The following CCDC57 variants were observed in gnomAD, a reference collection of about 807,000 sequenced individuals.
CCDC57 encodes the protein coiled-coil domain-containing protein 57.
CCDC57 carries 118 observed loss-of-function variants against 118.9 expected under a neutral mutation model. That is an observed-to-expected ratio of 0.99 (90% CI 0.86 to 1.16). The LOEUF is 1.16. Ranked by LOEUF, CCDC57 falls within the 50% of genes most tolerant of loss-of-function variation. The pLI is 0.00. For missense variants in CCDC57, 1,300 were observed against 1,320.7 expected (o/e 0.98, Z 0.24); for synonymous variants, 527 against 532.9 (o/e 0.99, Z 0.15).
At chr17:82,109,683 C>G (rs1243394295) in intron 19 of CCDC57, among the ~76,000 whole-genome samples, 1 of 151,890 alleles carries the variant, frequency 6.6e-6, no homozygotes, top group Non-Finnish European at 1.5e-5. Flanking sequence ...AGGTGAAACT[C>G]CGTCTCTACT....
intron 9 of CCDC57, among the ~76,000 whole-genome samples, chr17:82,180,042 C>T (rs1479232780): frequency 2.6e-5 from 4 of 152,168 alleles, no homozygotes; most frequent in Non-Finnish European, 5.9e-5. Flanking sequence ...TGGCATGGCT[C>T]TGCGTGAGAC....
At chr17:82,105,815 G>A (rs1437055220) in intron 19 of CCDC57, among the ~76,000 whole-genome samples, 1 of 152,214 alleles carries the variant, frequency 6.6e-6, no homozygotes, top group East Asian at 1.9e-4. Context: ...ATGGAGCCTG[G>A]AGCCCCCACT....
intron 9 of CCDC57, among the ~76,000 whole-genome samples, chr17:82,183,304 A>G (rs2046436254): frequency 6.6e-6 from 1 of 152,182 alleles, no homozygotes. Context: ...TAAGAAACAC[A>G]TGAGGACATG....
chr17:82,150,875 G>C (rs1244212047), intron 16 of CCDC57, among the ~76,000 whole-genome samples: 1 of 72,184 alleles, frequency 1.4e-5, no homozygotes. Context: ...AGAACCTGGT[G>C]CACACCCAGA....
intron 14 of CCDC57, among the ~76,000 whole-genome samples, chr17:82,160,927 G>A (rs918649199): frequency 2.7e-5 from 4 of 149,116 alleles, no homozygotes; most frequent in African/African-American, 9.9e-5. Flanking sequence ...ACCACAGAAT[G>A]GGAGAAAAAT....
intron 19 of CCDC57, chr17:82,113,531 A>C: frequency 1.4e-6 from 1 of 717,584 alleles, no homozygotes; most frequent in Non-Finnish European, 2.6e-6. Context: ...CCCGCGCTGC[A>C]TGTTTTTGCA....
chr17:82,107,551 G>T lies in CCDC57; in HGVS notation c.2900-5685C>A, dbSNP rs75729266. 2.3e-3 allele frequency: 1,069 copies of T among 470,974 alleles called. 11 individuals carry two copies. Among genetic ancestry groups the T allele is most frequent in the East Asian group, 4.2e-3 (60 of 14,398 alleles). 29.2% of individuals were successfully genotyped at this position (470,974 alleles called of 1,614,324 possible). On this transcript the variant is annotated intron_variant, in intron 19 of 19. Transcript: ENST00000665763. ...GCCCCCAGGTAGGTGCGTGCTTCTGGACCTGGCGCTCGGCACACTGTGAGG... is the reference window on the plus strand; with the variant it reads ...GCCCCCAGGTAGGTGCGTGCTTCTGTACCTGGCGCTCGGCACACTGTGAGG...
intron 16 of CCDC57, among the ~76,000 whole-genome samples, chr17:82,151,343 G>GACC (rs2042027531): frequency 8.0e-6 from 1 of 124,972 alleles, no homozygotes. Context: ...AGAACCAGGT[G>GACC]CACACCCAGA....
At chr17:82,190,818 A>T (rs2047582359) in intron 7 of CCDC57, among the ~76,000 whole-genome samples, 1 of 151,622 alleles carries the variant, frequency 6.6e-6, no homozygotes, top group Non-Finnish European at 1.5e-5. Flanking sequence ...AATGCCTCTA[A>T]TTCAACCTTT....
chr17:82,184,031 G>GCGCGCGCACGCACACACACACA, intron 8 of CCDC57, 99 bp from the exon 8 acceptor site: 1 of 125,852 alleles, frequency 7.9e-6, no homozygotes, highest in Non-Finnish European at 1.6e-5. Flanking sequence ...GCGCGCGCGC[G>GCGCGCGCACGCACACACACACA]CACACACACA....
intron 7 of CCDC57, among the ~76,000 whole-genome samples, chr17:82,193,288 A>C (rs973354088): frequency 2.6e-5 from 4 of 152,146 alleles, no homozygotes; most frequent in Admixed American, 2.6e-4. Context: ...TCATGCCTAT[A>C]ATCGCAGCAC....
At chr17:82,148,405 ATGGATGGATGGATAGG>A (rs2041242635) in intron 16 of CCDC57, among the ~76,000 whole-genome samples, 1 of 5,916 alleles carries the variant, frequency 1.7e-4, no homozygotes, top group African/African-American at 6.2e-4. Flanking sequence ...GGGTGGGTGG[ATGGATGGATGGATAGG>A]TGGGTGGATG....
At chr17:82,177,323 C>T (rs558197827) in intron 11 of CCDC57, among the ~76,000 whole-genome samples, 1 of 152,174 alleles carries the variant, frequency 6.6e-6, no homozygotes, top group African/African-American at 2.4e-5. Context: ...GTGCGGTGAG[C>T]AGAGATCACA....
rs1157712477 is a variant in CCDC57, at chr17:82,157,949, C to T, written c.2041-1G>A. ...CCGGCTCCAGGGGTTCCCGCAGCAC[C>T]TAGGGGTCATTTCAAAGGCAGTGTG... On this transcript the variant is annotated splice_acceptor_variant, in intron 14 of 19. Coordinates refer to ENST00000665763, the Ensembl canonical transcript of CCDC57. LOFTEE classifies it high-confidence loss of function. 6.4e-7 allele frequency: 1 copy of T among 1,552,234 alleles called. No individual in the cohort carries two copies. The highest frequency in any genetic ancestry group is 1.2e-5 in the South Asian group (1 of 84,098).
chr17:82,191,270 GA>G lies in CCDC57; in HGVS notation c.851+2485del, dbSNP rs1474591439. Among the ~76,000 whole-genome samples the G allele has an allele frequency of 1.6e-4, 24 of 152,158 alleles. No homozygotes were observed. In the East Asian group the frequency reaches 4.6e-3, roughly 29 times the overall value. On this transcript the variant is annotated intron_variant, in intron 7 of 19. Transcript: ENST00000665763. ...TTCCGAACCGGCGCCAGATGATGAG[GA>G]AACAGATGTAGAAGAAGCAGTGCCA...
At chr17:82,170,725 A>G (rs2044594914) in intron 13 of CCDC57, among the ~76,000 whole-genome samples, 1 of 152,154 alleles carries the variant, frequency 6.6e-6, no homozygotes, top group African/African-American at 2.4e-5. Flanking sequence ...TGTTTAAGCC[A>G]CTCAGGCTGT....
chr17:82,101,632 C>T (rs775215020), exon 20 of CCDC57: 5 of 1,437,578 alleles, frequency 3.5e-6, no homozygotes, highest in East Asian at 4.6e-5. Flanking sequence ...GCACAGGCAC[C>T]ATGCGGAGGC....
At chr17:82,136,474 A>C (rs2039186344) in intron 16 of CCDC57, among the ~76,000 whole-genome samples, 1 of 152,096 alleles carries the variant, frequency 6.6e-6, no homozygotes, top group Non-Finnish European at 1.5e-5. Flanking sequence ...GGAATTCTGG[A>C]ACAAATGATG....
At chr17:82,176,007 G>A (rs1057345328) in intron 11 of CCDC57, among the ~76,000 whole-genome samples, 1 of 152,222 alleles carries the variant, frequency 6.6e-6, no homozygotes, top group African/African-American at 2.4e-5. Flanking sequence ...TTATTTTGCT[G>A]TACAATGTTG....
Sources: allele counts gnomAD v4.1 joint callset (sites outside exome capture counted in the v4.1 genomes callset), GRCh38; gene constraint gnomAD v4.1.1; transcripts MANE v1.5; gene names NCBI Gene and HGNC (gene_info 2026-07-23, HGNC 2026-07-21).